KCNMB4: variants seen among roughly 807,000 people sequenced by gnomAD.
The protein encoded by KCNMB4 is potassium calcium-activated channel subfamily M regulatory beta subunit 4, also known as calcium-activated potassium channel subunit beta-4.
A neutral mutation model predicts 20.7 loss-of-function variants in KCNMB4; 3 were observed. The observed-to-expected ratio is 0.14, with a 90% CI of 0.07 to 0.37. KCNMB4 has a LOEUF of 0.37. Among genes scored for constraint, KCNMB4 ranks in the 10% least tolerant of loss-of-function variants. The pLI is 1.00. For synonymous variants in KCNMB4, 110 were observed against 113.4 expected, an observed-to-expected ratio of 0.97 and a Z score of 0.19; for missense variants, 168 against 265.9, an observed-to-expected ratio of 0.63 and a Z score of 2.56.
chr12:70,387,062 G>T lies in KCNMB4; in HGVS notation c.337-13147G>T, dbSNP rs376623995. Among the ~76,000 whole-genome samples, 16 of 151,518 alleles carry T rather than the reference G, an allele frequency of 1.1e-4. 1 individual carries two copies. The East Asian group carries it at 2.7e-3, about 26-fold the overall frequency. On this transcript the variant is annotated intron_variant, in intron 1 of 2. Transcript: ENST00000258111. ...ATTTCATTTTGTAACCTTTCCCACT[G>T]TTTGCATTTTTACGTTGTGTGTCTA...
intron 2 of KCNMB4, among the ~76,000 whole-genome samples, chr12:70,409,475 A>T (rs539525115): frequency 2.0e-4 from 31 of 152,316 alleles, no homozygotes; most frequent in African/African-American, 6.7e-4. Flanking sequence ...TTCCAACTTA[A>T]ACTTCTGCCA....
intron 2 of KCNMB4, among the ~76,000 whole-genome samples, chr12:70,418,678 C>T (rs1011181010): frequency 6.6e-6 from 1 of 152,126 alleles, no homozygotes; most frequent in African/African-American, 2.4e-5. Flanking sequence ...GAAAATGTTT[C>T]TTGACCTCCT....
At chr12:70,409,557 G>A (rs956590732) in intron 2 of KCNMB4, among the ~76,000 whole-genome samples, 2 of 152,114 alleles carry the variant, frequency 1.3e-5, no homozygotes, top group African/African-American at 4.8e-5. Flanking sequence ...AGCAGACACG[G>A]TCCTTGCCTT....
At chr12:70,390,920 C>A (rs1593330416) in intron 1 of KCNMB4, among the ~76,000 whole-genome samples, 1 of 152,176 alleles carries the variant, frequency 6.6e-6, no homozygotes. Context: ...GTGTTCAATA[C>A]TATTCTGAAT....
intron 1 of KCNMB4, among the ~76,000 whole-genome samples, chr12:70,391,990 G>GT (rs1166090680): frequency 3.3e-5 from 5 of 152,164 alleles, no homozygotes; most frequent in South Asian, 2.1e-4. Context: ...GGAAGCACCA[G>GT]TTTTTTTTAT....
At chr12:70,404,901 C>T (rs151213225) in intron 2 of KCNMB4, among the ~76,000 whole-genome samples, 4 of 152,064 alleles carry the variant, frequency 2.6e-5, no homozygotes, top group African/African-American at 9.6e-5. Flanking sequence ...GTAGTTGAAG[C>T]GAAGACAAAG....
Position 70,397,717 on chromosome 12 carries a change from T to G in KCNMB4, c.337-2492T>G, listed in dbSNP as rs191729468. Among the ~76,000 whole-genome samples the G allele has an allele frequency of 6.4e-3, 974 of 152,274 alleles. 18 individuals are homozygous for G. The highest frequency in any genetic ancestry group is 0.022 in the Admixed American group (335 of 15,286). Reference sequence around the variant, plus strand: ...AGAGAGACATTTCTTTTAAACCCATTTCTCCCCAAAAAACTAAATAGCAAA... The same window carrying G: ...AGAGAGACATTTCTTTTAAACCCATGTCTCCCCAAAAAACTAAATAGCAAA... On this transcript the variant is annotated intron_variant, in intron 1 of 2. Coordinates refer to ENST00000258111, the MANE Select transcript of KCNMB4 (RefSeq NM_014505.6).
At chr12:70,398,571 CAT>C (rs1868379608) in intron 1 of KCNMB4, among the ~76,000 whole-genome samples, 2 of 152,080 alleles carry the variant, frequency 1.3e-5, no homozygotes, top group African/African-American at 2.4e-5. Context: ...ATTTGCATAA[CAT>C]GTTGTGAATG....
intron 1 of KCNMB4, among the ~76,000 whole-genome samples, chr12:70,399,949 T>A (rs1355590051): frequency 6.6e-6 from 1 of 152,200 alleles, no homozygotes; most frequent in East Asian, 1.9e-4. Context: ...ACATGGTAAC[T>A]AATAGTTTAT....
At chr12:70,423,153 T>C (rs751684884) in intron 2 of KCNMB4, among the ~76,000 whole-genome samples, 168 of 152,306 alleles carry the variant, frequency 1.1e-3, no homozygotes, top group Middle Eastern at 3.4e-3. Context: ...ATATAACACT[T>C]TATTTCTCCA....
At chr12:70,430,449 A>T in intron 2 of KCNMB4, 36 bp from the exon 3 acceptor site, 1 of 1,609,090 alleles carries the variant, frequency 6.2e-7, no homozygotes, top group Non-Finnish European at 8.5e-7. Context: ...AAGGCATTTG[A>T]CTGCCCTTTC....
chr12:70,411,547 G>A (rs1478131124), intron 2 of KCNMB4, among the ~76,000 whole-genome samples: 1 of 151,994 alleles, frequency 6.6e-6, no homozygotes, highest in Non-Finnish European at 1.5e-5. Context: ...CCCATTTCAG[G>A]GGCTACAGAG....
At chr12:70,429,904 C>G (rs538065689) in intron 2 of KCNMB4, among the ~76,000 whole-genome samples, 1 of 152,078 alleles carries the variant, frequency 6.6e-6, no homozygotes, top group Non-Finnish European at 1.5e-5. Flanking sequence ...CACCCAGAAG[C>G]ATGGAAAAAG....
intron 1 of KCNMB4, among the ~76,000 whole-genome samples, chr12:70,375,390 T>C (rs1883667197): frequency 6.6e-6 from 1 of 151,824 alleles, no homozygotes; most frequent in South Asian, 2.1e-4. Flanking sequence ...ATACCAATAC[T>C]CTGGGAGGTT....
chr12:70,381,021 AG>A (rs750564119), intron 1 of KCNMB4, among the ~76,000 whole-genome samples: 7 of 152,266 alleles, frequency 4.6e-5, no homozygotes, highest in Non-Finnish European at 1.0e-4. Context: ...TCTAGTACCA[AG>A]AAAATAATGA....
intron 2 of KCNMB4, among the ~76,000 whole-genome samples, chr12:70,427,325 AT>A (rs1167825207): frequency 6.6e-6 from 1 of 152,244 alleles, no homozygotes; most frequent in Non-Finnish European, 1.5e-5. Flanking sequence ...CTAGACTTTA[AT>A]TAGGACACAA....
chr12:70,403,320 C>A (rs1816828366), intron 2 of KCNMB4, among the ~76,000 whole-genome samples: 1 of 151,922 alleles, frequency 6.6e-6, no homozygotes, highest in South Asian at 2.1e-4. Flanking sequence ...GCCAGAGGAG[C>A]TTTTTATTTT....
At chr12:70,408,187 A>T (rs1303636757) in intron 2 of KCNMB4, among the ~76,000 whole-genome samples, 1 of 152,142 alleles carries the variant, frequency 6.6e-6, no homozygotes, top group Non-Finnish European at 1.5e-5. Context: ...GACTCTGGGA[A>T]GGCAGGCGTT....
rs149071110 is a variant in KCNMB4, at chr12:70,400,042, T to C, written c.337-167T>C. On this transcript the variant is annotated intron_variant, in intron 1 of 2. Transcript: ENST00000258111. ...GAATACTTTCTGTCCTTGTGCCAAA[T>C]TGGAAATTTGGAATATAGTTTAGTA... Among the ~76,000 whole-genome samples, 696 of 152,310 alleles carry C rather than the reference T, an allele frequency of 4.6e-3. 5 individuals carry two copies. Among genetic ancestry groups the C allele is most frequent in the African/African-American group, 0.016 (662 of 41,564 alleles).
Sources: gnomAD v4.1 joint callset for allele counts (sites outside exome capture counted in the v4.1 genomes callset) on GRCh38, gnomAD v4.1.1 for gene constraint, MANE v1.5 for transcripts, NCBI Gene and HGNC (gene_info 2026-07-23, HGNC 2026-07-21) for gene names.